The following SORCS2 variants were observed in gnomAD, a reference collection of about 807,000 sequenced individuals.
The protein encoded by SORCS2 is VPS10 domain-containing receptor SorCS2.
In SORCS2, 100 loss-of-function variants were observed where a neutral mutation model predicts 141.6. The ratio of observed to expected loss-of-function variants is 0.71; its 90% CI spans 0.60 to 0.83. The LOEUF (loss-of-function observed/expected upper bound fraction) is 0.83, where lower values mean the gene tolerates loss of function less well. SORCS2 is among the 40% of genes least tolerant of loss of function. SORCS2 has a pLI of 0.00. For missense variants in SORCS2, 1,646 were observed against 1,560.2 expected, an observed-to-expected ratio of 1.05 and a Z score of -0.93; for synonymous variants, 789 against 676.9, an observed-to-expected ratio of 1.17 and a Z score of -2.57.
intron 2 of SORCS2, among the ~76,000 whole-genome samples, chr4:7,444,674 C>T (rs1331185135): frequency 6.6e-6 from 1 of 152,042 alleles, no homozygotes; most frequent in Admixed American, 6.5e-5. Context: ...TGACATGATC[C>T]CATGGTGCTT....
intron 3 of SORCS2, among the ~76,000 whole-genome samples, chr4:7,557,484 G>A (rs982838979): frequency 3.3e-5 from 5 of 152,312 alleles, no homozygotes; most frequent in Admixed American, 1.3e-4. Flanking sequence ...TCCTAGCCAC[G>A]CAAGGATTCG....
chr4:7,516,833 C>T (rs1158739866), intron 2 of SORCS2, among the ~76,000 whole-genome samples: 1 of 152,208 alleles, frequency 6.6e-6, no homozygotes, highest in African/African-American at 2.4e-5. Flanking sequence ...TGTGAGAAGT[C>T]TCCTCCCTCA....
At chr4:7,314,101 G>A (rs1718380474) in intron 1 of SORCS2, among the ~76,000 whole-genome samples, 1 of 152,220 alleles carries the variant, frequency 6.6e-6, no homozygotes, top group Admixed American at 6.5e-5. Context: ...CAGCACATCT[G>A]CTTCTCTTTT....
chr4:7,579,694 C>G (rs577769940), intron 3 of SORCS2, among the ~76,000 whole-genome samples: 2 of 152,296 alleles, frequency 1.3e-5, no homozygotes, highest in East Asian at 3.9e-4. Flanking sequence ...TTGTTCTGCT[C>G]TGGGCCTTGT....
intron 2 of SORCS2, among the ~76,000 whole-genome samples, chr4:7,401,756 A>G (rs78669434): frequency 0.019 from 2,934 of 152,222 alleles, 93 homozygotes; most frequent in African/African-American, 0.068. Flanking sequence ...TCCTGGGTGC[A>G]TTTGACCTCA....
At chr4:7,670,970 G>A (rs73076410) in intron 8 of SORCS2, among the ~76,000 whole-genome samples, 9,728 of 152,238 alleles carry the variant, frequency 0.064, 948 homozygotes, top group African/African-American at 0.21. Context: ...GATTTAAAGG[G>A]TTACAGCCTA....
Position 7,230,506 on chromosome 4 carries a change from T to C in SORCS2, c.480+37380T>C, listed in dbSNP as rs367700282. Among the ~76,000 whole-genome samples, 56 of 142,080 alleles carry C rather than the reference T, an allele frequency of 3.9e-4. No homozygotes were observed. The East Asian group carries it at 0.011, about 27-fold the overall frequency. The allele number at this position is 142,080 out of a possible 152,430, so 93.2% of individuals were successfully genotyped here. A position where few individuals can be genotyped will look rare whatever the true frequency, so the allele number is the denominator to read the frequency against. ...AGGAGCAGTGTCATGTGCTCATGTA[T>C]GAAGGAGATGAAGATGGTCAAGTCT... On this transcript the variant is annotated intron_variant, in intron 1 of 26. Coordinates refer to ENST00000507866, the MANE Select transcript of SORCS2 (RefSeq NM_020777.3).
At chr4:7,516,419 G>T (rs1732983045) in intron 2 of SORCS2, among the ~76,000 whole-genome samples, 1 of 152,158 alleles carries the variant, frequency 6.6e-6, no homozygotes, top group African/African-American at 2.4e-5. Context: ...AAGGTGCTGG[G>T]ACCCTGCAGG....
intron 2 of SORCS2, among the ~76,000 whole-genome samples, chr4:7,468,773 G>A (rs1729781705): frequency 6.6e-6 from 1 of 152,184 alleles, no homozygotes; most frequent in Non-Finnish European, 1.5e-5. Context: ...GGGAGATTAG[G>A]TTTTTGAAAG....
At chr4:7,517,971 A>G (rs1733093596) in intron 2 of SORCS2, among the ~76,000 whole-genome samples, 1 of 152,272 alleles carries the variant, frequency 6.6e-6, no homozygotes, top group African/African-American at 2.4e-5. Context: ...AATATTACAC[A>G]GCAGGCAGAA....
intron 5 of SORCS2, 24 bp from the exon 6 acceptor site, chr4:7,661,476 C>T: frequency 6.4e-7 from 1 of 1,551,330 alleles, no homozygotes; most frequent in Non-Finnish European, 8.7e-7. Context: ...ATTCCCGACC[C>T]CAGCCTCAGC....
At chr4:7,672,705 T>A (rs1722868723) in intron 8 of SORCS2, among the ~76,000 whole-genome samples, 1 of 152,194 alleles carries the variant, frequency 6.6e-6, no homozygotes, top group Non-Finnish European at 1.5e-5. Context: ...ATACCCCTCA[T>A]ATCCATTCTG....
At chr4:7,707,486 G>A (rs1464183110) in intron 14 of SORCS2, among the ~76,000 whole-genome samples, 1 of 152,218 alleles carries the variant, frequency 6.6e-6, no homozygotes, top group East Asian at 1.9e-4. Context: ...CCCTCTCAGG[G>A]TATTTAAGAT....
At position 7,193,252 on chromosome 4, in the gene SORCS2, G is replaced by C; in HGVS notation, c.480+126G>C. ...ATCAGGGGCGGGTTCTTGGCGACTT[G>C]GGCACTTGGGTCACCTCGGCCGCGC... On this transcript the variant is annotated intron_variant, in intron 1 of 26. Transcript: ENST00000507866. This position sits in a 1 kb window ranked among gnomAD's most constrained non-coding sequence, Gnocchi z 4.8. The C allele has an allele frequency of 2.4e-6, 3 of 1,225,182 alleles. No individual in the cohort carries two copies. Among genetic ancestry groups the C allele is most frequent in the South Asian group, 2.5e-5 (1 of 39,888 alleles). The allele number at this position is 1,225,182 out of a possible 1,614,324, so 75.9% of individuals were successfully genotyped here.
At chr4:7,249,198 C>T (rs140093045) in intron 1 of SORCS2, among the ~76,000 whole-genome samples, 203 of 152,232 alleles carry the variant, frequency 1.3e-3, no homozygotes, top group African/African-American at 4.4e-3. Flanking sequence ...GAGGCTCAAC[C>T]GGGCTGGGTG....
intron 3 of SORCS2, among the ~76,000 whole-genome samples, chr4:7,547,920 A>C (rs144659241): frequency 2.0e-5 from 3 of 152,310 alleles, no homozygotes; most frequent in African/African-American, 7.2e-5. Flanking sequence ...CATTAATGAA[A>C]CCCAATCTCA....
At chr4:7,378,976 C>A (rs1359333651) in intron 1 of SORCS2, among the ~76,000 whole-genome samples, 1 of 152,186 alleles carries the variant, frequency 6.6e-6, no homozygotes, top group Non-Finnish European at 1.5e-5. Flanking sequence ...ACAGCCTCTC[C>A]CTAGATGCAC....
At chr4:7,516,939 C>G (rs1733021980) in intron 2 of SORCS2, among the ~76,000 whole-genome samples, 1 of 152,214 alleles carries the variant, frequency 6.6e-6, no homozygotes, top group Non-Finnish European at 1.5e-5. Context: ...AGTGTTCAAG[C>G]TCAGCCCCTC....
At chr4:7,402,094 G>A (rs1427411791) in intron 2 of SORCS2, among the ~76,000 whole-genome samples, 2 of 152,176 alleles carry the variant, frequency 1.3e-5, no homozygotes, top group Non-Finnish European at 2.9e-5. Context: ...GAATAATGTA[G>A]GTGCCATTGA....
Sources: allele counts gnomAD v4.1 joint callset (sites outside exome capture counted in the v4.1 genomes callset), GRCh38; gene constraint gnomAD v4.1.1; non-coding constraint Gnocchi (gnomAD v3.1); transcripts MANE v1.5; gene names NCBI Gene and HGNC (gene_info 2026-07-23, HGNC 2026-07-21).